The following FOXN3 variants were observed in gnomAD, a reference collection of about 807,000 sequenced individuals.
FOXN3 encodes the protein forkhead box protein N3.
FOXN3 carries 7 observed loss-of-function variants against 38.4 expected under a neutral mutation model. That is an observed-to-expected ratio of 0.18 (90% CI 0.10 to 0.34). The LOEUF is 0.34. FOXN3 is among the 10% of genes least tolerant of loss of function. FOXN3 has a pLI of 1.00. For synonymous variants in FOXN3, 230 were observed against 242.2 expected (o/e 0.95, Z 0.47); for missense variants, 456 against 613.4 (o/e 0.74, Z 2.71).
intron 1 of FOXN3, among the ~76,000 whole-genome samples, chr14:89,515,115 G>T (rs1392579854): frequency 6.6e-6 from 1 of 151,838 alleles, no homozygotes; most frequent in Non-Finnish European, 1.5e-5. Flanking sequence ...TAGAGATGGG[G>T]TTCCACCATG....
chr14:89,574,570 G>A (rs1007520540), intron 1 of FOXN3, among the ~76,000 whole-genome samples: 3 of 152,094 alleles, frequency 2.0e-5, no homozygotes, highest in African/African-American at 7.2e-5. Flanking sequence ...CCCCTGCCAA[G>A]ACACAGCCCC....
At chr14:89,183,449 A>G (rs1887724199) in intron 4 of FOXN3, among the ~76,000 whole-genome samples, 1 of 152,160 alleles carries the variant, frequency 6.6e-6, no homozygotes, top group African/African-American at 2.4e-5. Flanking sequence ...AACTACAAGC[A>G]AGAGGGAGGG....
At chr14:89,397,306 GAGA>G (rs1213328406) in intron 2 of FOXN3, among the ~76,000 whole-genome samples, 1 of 152,070 alleles carries the variant, frequency 6.6e-6, no homozygotes, top group East Asian at 1.9e-4. Context: ...TGGGAGGAGG[GAGA>G]AGATCAGGAA....
intron 1 of FOXN3, among the ~76,000 whole-genome samples, chr14:89,608,443 A>ACC (rs1172515552): frequency 6.6e-6 from 1 of 152,114 alleles, no homozygotes. Flanking sequence ...CCCGGCCTAT[A>ACC]CATGCTATCT....
intron 4 of FOXN3, among the ~76,000 whole-genome samples, chr14:89,251,961 C>G (rs551681106): frequency 1.4e-4 from 21 of 152,354 alleles, no homozygotes; most frequent in Non-Finnish European, 2.2e-4. Flanking sequence ...TTGCGATAAA[C>G]TAGCTACAAC....
chr14:89,184,530 T>G (rs1887754562), intron 4 of FOXN3, among the ~76,000 whole-genome samples: 1 of 152,246 alleles, frequency 6.6e-6, no homozygotes, highest in African/African-American at 2.4e-5. Flanking sequence ...GACCACGTTC[T>G]TTGGATGTTC....
intron 4 of FOXN3, among the ~76,000 whole-genome samples, chr14:89,233,567 CCT>C (rs1369757210): frequency 1.3e-5 from 2 of 152,142 alleles, no homozygotes; most frequent in East Asian, 3.8e-4. Context: ...TCAACAGTTC[CCT>C]TTTTTTCTTT....
chr14:89,275,067 T>C (rs1886260813), intron 4 of FOXN3, among the ~76,000 whole-genome samples: 2 of 152,148 alleles, frequency 1.3e-5, no homozygotes, highest in South Asian at 4.1e-4. Flanking sequence ...CACCAAATCC[T>C]CACCAGGACT....
At position 89,390,293 on chromosome 14, in the gene FOXN3, TTCTC is replaced by T. The variant is rs71130070; in HGVS notation, c.543+21637_543+21640del. Reference sequence around the variant, plus strand: ...TTTCAATAGATCTCTCTCGTTCTCTTTCTCTCTCTCTCTCTCTCTCTATATATAT... The same window carrying T: ...TTTCAATAGATCTCTCTCGTTCTCTTTCTCTCTCTCTCTCTCTATATATAT... On this transcript the variant is annotated intron_variant, in intron 2 of 5. Transcript: ENST00000557258. Among the ~76,000 whole-genome samples the T allele has an allele frequency of 4.9e-3, 691 of 139,932 alleles. 6 individuals are homozygous for T. The highest frequency in any genetic ancestry group is 0.016 in the African/African-American group (646 of 39,498). The allele number at this position is 139,932 out of a possible 152,430, so 91.8% of individuals were successfully genotyped here.
Position 89,162,991 on chromosome 14 carries a change from G to A in FOXN3, c.852-22C>T. ...ATTCCTGCAGAGCGAGGACAGTGGG[G>A]AGGGACGGGAGACAAAGAAGGGACA... On this transcript the variant is annotated intron_variant, in intron 5 of 5. Coordinates refer to ENST00000557258, the MANE Select transcript of FOXN3 (RefSeq NM_005197.4). The surrounding 1 kb of genome is among the most constrained non-coding windows in gnomAD (Gnocchi z 7.2). 1 of 1,518,418 alleles carries A rather than the reference G, an allele frequency of 6.6e-7. No homozygotes were observed. The highest frequency in any genetic ancestry group is 1.3e-5 in the South Asian group (1 of 76,206). 94.1% of individuals were successfully genotyped at this position (1,518,418 alleles called of 1,614,324 possible). A position where few individuals can be genotyped will look rare whatever the true frequency, so the allele number is the denominator to read the frequency against.
chr14:89,178,790 G>A (rs1268462100), intron 5 of FOXN3, among the ~76,000 whole-genome samples: 3 of 152,150 alleles, frequency 2.0e-5, no homozygotes, highest in Non-Finnish European at 4.4e-5. Flanking sequence ...CCTGTTGTCC[G>A]CCTGGCTTTT....
At chr14:89,191,451 TC>T (rs1329375415) in intron 4 of FOXN3, among the ~76,000 whole-genome samples, 1 of 152,170 alleles carries the variant, frequency 6.6e-6, no homozygotes, top group Non-Finnish European at 1.5e-5. Context: ...CAAAATGCCT[TC>T]CCTTGCAGAT....
At chr14:89,194,428 T>A (rs1002853499) in intron 4 of FOXN3, among the ~76,000 whole-genome samples, 2 of 152,128 alleles carry the variant, frequency 1.3e-5, no homozygotes, top group Admixed American at 1.3e-4. Flanking sequence ...GCACTGTAGA[T>A]CAATGCCAGG....
At chr14:89,465,307 G>A (rs1042998166) in intron 1 of FOXN3, among the ~76,000 whole-genome samples, 1 of 152,086 alleles carries the variant, frequency 6.6e-6, no homozygotes, top group African/African-American at 2.4e-5. Flanking sequence ...TTGGCTCACT[G>A]CAACCTCCGC....
chr14:89,383,029 GTTTTTTTTTTTTTT>G (rs57032907), intron 2 of FOXN3, among the ~76,000 whole-genome samples: 3 of 92,514 alleles, frequency 3.2e-5, no homozygotes, highest in African/African-American at 1.2e-4. Context: ...TTTGGGTGGT[GTTTTTTTTTTTTTT>G]TTTTTTTTTT....
chr14:89,469,963 T>G (rs1305363466), intron 1 of FOXN3, among the ~76,000 whole-genome samples: 1 of 152,262 alleles, frequency 6.6e-6, no homozygotes, highest in Non-Finnish European at 1.5e-5. Flanking sequence ...GCTTCAGTCA[T>G]GCAGGCAGGG....
At chr14:89,353,260 AG>A (rs1274082292) in intron 2 of FOXN3, 1 of 152,212 alleles carries the variant, frequency 6.6e-6, no homozygotes, top group African/African-American at 2.4e-5. Context: ...AAACACCTTC[AG>A]TAGCGGCCCT....
intron 1 of FOXN3, among the ~76,000 whole-genome samples, chr14:89,575,298 A>T (rs1414866054): frequency 6.6e-6 from 1 of 152,214 alleles, no homozygotes; most frequent in African/African-American, 2.4e-5. Context: ...CTCACAGGTC[A>T]GCTGGTGACC....
At chr14:89,587,166 T>C (rs992582781) in intron 1 of FOXN3, among the ~76,000 whole-genome samples, 5 of 152,266 alleles carry the variant, frequency 3.3e-5, no homozygotes, top group African/African-American at 1.2e-4. Flanking sequence ...TTCCTCTTTT[T>C]CGGGGGAACC....
Sources: allele counts gnomAD v4.1 joint callset (sites outside exome capture counted in the v4.1 genomes callset), GRCh38; gene constraint gnomAD v4.1.1; non-coding constraint Gnocchi (gnomAD v3.1); transcripts MANE v1.5; gene names NCBI Gene and HGNC (gene_info 2026-07-23, HGNC 2026-07-21).